CSGALNACT1: variants seen among roughly 807,000 people sequenced by gnomAD.
The protein encoded by CSGALNACT1 is beta4GalNAcT-1.
In CSGALNACT1, 52 loss-of-function variants were observed where a neutral mutation model predicts 51.0. That is an observed-to-expected ratio of 1.02 (90% CI 0.82 to 1.29). The LOEUF (loss-of-function observed/expected upper bound fraction) is 1.29, where lower values mean the gene tolerates loss of function less well. CSGALNACT1 is among the 50% of genes most tolerant of loss of function. The pLI, the probability that CSGALNACT1 is intolerant of heterozygous loss-of-function variation, is 0.00. For synonymous variants in CSGALNACT1, 341 were observed against 254.4 expected, an observed-to-expected ratio of 1.34 and a Z score of -3.24; for missense variants, 935 against 679.2, an observed-to-expected ratio of 1.38 and a Z score of -4.19.
intron 4 of CSGALNACT1, among the ~76,000 whole-genome samples, chr8:19,489,845 G>C (rs759245838): frequency 2.6e-5 from 4 of 152,258 alleles, no homozygotes. Context: ...CCTTTTGTTA[G>C]GAAGCCAAGC....
In CSGALNACT1 at chr8:19,655,029, A is replaced by G. The variant is rs1368621741; in HGVS notation, c.-544+27444T>C. On this transcript the variant is annotated intron_variant, in intron 1 of 9. Coordinates refer to the CSGALNACT1 transcript ENST00000332246. ...TGACATACATTCCTTTATTTAAAAA[A>G]TGGGTATCAAAATACATTGAGTAAT... Among the ~76,000 whole-genome samples, 5 of 152,210 alleles carry G rather than the reference A, an allele frequency of 3.3e-5. No homozygotes were observed. The South Asian group carries it at 1.0e-3, about 32-fold the overall frequency.
intron 1 of CSGALNACT1, among the ~76,000 whole-genome samples, chr8:19,714,990 C>T (rs2062721550): frequency 6.6e-6 from 1 of 152,054 alleles, no homozygotes; most frequent in Admixed American, 6.5e-5. Context: ...TTGTATTAGT[C>T]CGTTTTTATG....
intron 3 of CSGALNACT1, among the ~76,000 whole-genome samples, chr8:19,520,527 T>G (rs985707953): frequency 6.6e-6 from 1 of 152,262 alleles, no homozygotes; most frequent in Non-Finnish European, 1.5e-5. Flanking sequence ...AACTGATTAT[T>G]ATGGCATTAG....
chr8:19,510,053 GT>G (rs1005555870), intron 3 of CSGALNACT1, among the ~76,000 whole-genome samples: 1 of 151,936 alleles, frequency 6.6e-6, no homozygotes, highest in African/African-American at 2.4e-5. Flanking sequence ...CCCGTTTTTT[GT>G]TTTTTTAATT....
At chr8:19,655,559 T>C (rs1408199083) in intron 1 of CSGALNACT1, among the ~76,000 whole-genome samples, 28 of 140,968 alleles carry the variant, frequency 2.0e-4, no homozygotes, top group South Asian at 6.4e-4. Context: ...CACATATATA[T>C]ACACACACAC....
At chr8:19,640,773 C>A (rs546402540) in intron 1 of CSGALNACT1, among the ~76,000 whole-genome samples, 1 of 152,248 alleles carries the variant, frequency 6.6e-6, no homozygotes, top group African/African-American at 2.4e-5. Context: ...CAGGCCCTTA[C>A]ACTATTCTTA....
chr8:19,522,807 A>G (rs2080986167), intron 3 of CSGALNACT1, among the ~76,000 whole-genome samples: 3 of 152,202 alleles, frequency 2.0e-5, no homozygotes. Flanking sequence ...TAACGTTCTA[A>G]TTTCAGCTAC....
At chr8:19,441,781 CA>C (rs2061366300) in intron 5 of CSGALNACT1, among the ~76,000 whole-genome samples, 1 of 151,954 alleles carries the variant, frequency 6.6e-6, no homozygotes, top group Admixed American at 6.6e-5. Context: ...AGTGAACAGG[CA>C]ACCTACAGAA....
intron 8 of CSGALNACT1, among the ~76,000 whole-genome samples, chr8:19,409,734 G>A (rs1396924488): frequency 3.3e-5 from 5 of 152,142 alleles, no homozygotes; most frequent in African/African-American, 1.2e-4. Flanking sequence ...AGATTTTGTT[G>A]GGGACATCTG....
chr8:19,469,434 G>C (rs1484509774), intron 4 of CSGALNACT1, among the ~76,000 whole-genome samples: 11 of 152,070 alleles, frequency 7.2e-5, no homozygotes, highest in Non-Finnish European at 1.0e-4. Context: ...TAGCCCTCTG[G>C]ATGGGGCAAG....
intron 3 of CSGALNACT1, among the ~76,000 whole-genome samples, chr8:19,581,168 G>C (rs965172016): frequency 2.0e-5 from 3 of 152,108 alleles, no homozygotes; most frequent in African/African-American, 7.2e-5. Flanking sequence ...ACAATTAGGA[G>C]AAATATAAAT....
At position 19,713,773 on chromosome 8, in the gene CSGALNACT1, T is replaced by C. The variant is rs536029200; in HGVS notation, c.-297+44077A>G. On this transcript the variant is annotated intron_variant, in intron 1 of 1. Transcript: ENST00000517494. ...ACACCTTAATTCCAGACATCCAGCC[T>C]CGAGATCTGCAAGACCACACATTTC... Among the ~76,000 whole-genome samples, 34 of 152,252 alleles carry C rather than the reference T, an allele frequency of 2.2e-4. 1 individual carries two copies. Among genetic ancestry groups the C allele is most frequent in the Admixed American group, 2.2e-3 (34 of 15,302 alleles).
At chr8:19,746,799 A>G (rs1161459527) in intron 1 of CSGALNACT1, among the ~76,000 whole-genome samples, 1 of 152,222 alleles carries the variant, frequency 6.6e-6, no homozygotes, top group Non-Finnish European at 1.5e-5. Flanking sequence ...TAGCTCATGT[A>G]CATTAAATAA....
rs968509670 is a variant in CSGALNACT1, at chr8:19,461,781, C to A, written c.635-3139G>T. Among the ~76,000 whole-genome samples the A allele has an allele frequency of 3.3e-4, 48 of 143,530 alleles. 6 individuals are homozygous for A. Among genetic ancestry groups the A allele is most frequent in the African/African-American group, 1.3e-3 (48 of 38,326 alleles). The allele number at this position is 143,530 out of a possible 152,430, so 94.2% of individuals were successfully genotyped here. Reference sequence around the variant, plus strand: ...CATGGAGGGCGTATCTGCACAGCAGCCACATTCACCATGGAGGGCGTATCC... The same window carrying A: ...CATGGAGGGCGTATCTGCACAGCAGACACATTCACCATGGAGGGCGTATCC... On this transcript the variant is annotated intron_variant, in intron 4 of 9. Transcript: ENST00000454498.
intron 1 of CSGALNACT1, among the ~76,000 whole-genome samples, chr8:19,647,955 T>C (rs2057429647): frequency 1.3e-5 from 2 of 152,188 alleles, no homozygotes; most frequent in Non-Finnish European, 2.9e-5. Flanking sequence ...CAAGAGACAG[T>C]ACTGCTAAGC....
chr8:19,624,878 C>T (rs2054255993), intron 1 of CSGALNACT1, among the ~76,000 whole-genome samples: 1 of 152,096 alleles, frequency 6.6e-6, no homozygotes, highest in Non-Finnish European at 1.5e-5. Flanking sequence ...GGGGTTTCAC[C>T]ATATTGGCCA....
intron 5 of CSGALNACT1, among the ~76,000 whole-genome samples, chr8:19,444,649 T>C (rs565340592): frequency 4.7e-4 from 72 of 152,308 alleles, no homozygotes; most frequent in African/African-American, 1.7e-3. Context: ...GGCCAGTTTG[T>C]TCAATGCTTT....
intron 3 of CSGALNACT1, among the ~76,000 whole-genome samples, chr8:19,551,786 A>T (rs140055106): frequency 6.6e-6 from 1 of 152,110 alleles, no homozygotes; most frequent in Non-Finnish European, 1.5e-5. Context: ...ACTAAGCCTC[A>T]TGTCACATTT....
At chr8:19,510,685 G>A (rs1351283905) in intron 3 of CSGALNACT1, among the ~76,000 whole-genome samples, 1 of 152,158 alleles carries the variant, frequency 6.6e-6, no homozygotes, top group African/African-American at 2.4e-5. Flanking sequence ...CAAACGTATG[G>A]GTGAGGAGTG....
Sources: allele counts gnomAD v4.1 joint callset (sites outside exome capture counted in the v4.1 genomes callset), GRCh38; gene constraint gnomAD v4.1.1; transcripts MANE v1.5; gene names NCBI Gene and HGNC (gene_info 2026-07-23, HGNC 2026-07-21).